Variants in DAAM1 observed in about 807,000 individuals in gnomAD.
DAAM1 encodes disheveled-associated activator of morphogenesis 1.
DAAM1 carries 52 observed loss-of-function variants against 130.0 expected under a neutral mutation model. The ratio of observed to expected loss-of-function variants is 0.40; its 90% CI spans 0.32 to 0.50. The LOEUF (loss-of-function observed/expected upper bound fraction) is 0.50. DAAM1 is among the 20% of genes least tolerant of loss of function. The probability of loss-of-function intolerance (pLI) is 0.61; values close to 1 mark genes in which losing one functional copy is unlikely to be tolerated. For synonymous variants in DAAM1, 452 were observed against 444.5 expected, an observed-to-expected ratio of 1.02 and a Z score of -0.21; for missense variants, 1,134 against 1,303.8, an observed-to-expected ratio of 0.87 and a Z score of 2.01.
chr14:59,198,937 A>G (rs1294271596), intron 1 of DAAM1, among the ~76,000 whole-genome samples: 2 of 152,214 alleles, frequency 1.3e-5, no homozygotes, highest in African/African-American at 2.4e-5. Context: ...CTGGATAAAA[A>G]TTCTAAATTT....
At chr14:59,257,237 G>A (rs1259926658) in intron 1 of DAAM1, among the ~76,000 whole-genome samples, 1 of 152,148 alleles carries the variant, frequency 6.6e-6, no homozygotes, top group Non-Finnish European at 1.5e-5. Flanking sequence ...CTGACATTCA[G>A]AGGTGAGACC....
chr14:59,339,875 C>T (rs530016073), intron 15 of DAAM1, among the ~76,000 whole-genome samples, 199 bp from the exon 16 acceptor site: 1 of 152,296 alleles, frequency 6.6e-6, no homozygotes, highest in South Asian at 2.1e-4. Context: ...GTCAGCTTTT[C>T]TTATTATTTC....
chr14:59,221,800 A>G (rs190753258), intron 1 of DAAM1, among the ~76,000 whole-genome samples: 2 of 152,292 alleles, frequency 1.3e-5, no homozygotes, highest in African/African-American at 2.4e-5. Context: ...TTGCATTTCA[A>G]TGGAATTATT....
At chr14:59,327,452 A>G (rs1008147664) in intron 12 of DAAM1, among the ~76,000 whole-genome samples, 4 of 111,680 alleles carry the variant, frequency 3.6e-5, no homozygotes, top group Admixed American at 1.3e-4. Context: ...TCTGTCACCC[A>G]GGCTGGAATC....
chr14:59,275,224 A>G (rs986012654), intron 2 of DAAM1, among the ~76,000 whole-genome samples: 1 of 152,170 alleles, frequency 6.6e-6, no homozygotes, highest in Non-Finnish European at 1.5e-5. Context: ...CTTCCATTCA[A>G]TTAGGAAAAC....
chr14:59,207,741 C>A (rs146715361), intron 1 of DAAM1, among the ~76,000 whole-genome samples: 1 of 152,262 alleles, frequency 6.6e-6, no homozygotes, highest in African/African-American at 2.4e-5. Context: ...GAACCACTGG[C>A]CTAATTACAA....
At chr14:59,190,918 T>A (rs1488987767) in intron 1 of DAAM1, among the ~76,000 whole-genome samples, 4 of 152,242 alleles carry the variant, frequency 2.6e-5, no homozygotes, top group East Asian at 1.9e-4. Flanking sequence ...TAATACTGTT[T>A]ATACTACCAC....
At chr14:59,223,350 A>G (rs1888837374) in intron 1 of DAAM1, among the ~76,000 whole-genome samples, 1 of 152,226 alleles carries the variant, frequency 6.6e-6, no homozygotes, top group African/African-American at 2.4e-5. Flanking sequence ...TTGGTAGCCC[A>G]TGATTAAGTG....
intron 16 of DAAM1, among the ~76,000 whole-genome samples, chr14:59,342,632 T>C (rs569329243): frequency 7.9e-5 from 12 of 152,248 alleles, no homozygotes; most frequent in South Asian, 4.1e-4. Context: ...CTGAGTGCCA[T>C]AGGACATACC....
intron 2 of DAAM1, among the ~76,000 whole-genome samples, chr14:59,288,638 GAAA>G (rs1594801708): frequency 6.6e-6 from 1 of 152,026 alleles, no homozygotes; most frequent in East Asian, 1.9e-4. Flanking sequence ...CAACCAATAT[GAAA>G]AAATGCTAAT....
At chr14:59,216,914 A>G (rs1256631074) in intron 1 of DAAM1, among the ~76,000 whole-genome samples, 1 of 56,978 alleles carries the variant, frequency 1.8e-5, no homozygotes, top group African/African-American at 5.6e-5. Context: ...GTATGTCTAT[A>G]TAGTTTTTTT....
rs181185974 is a variant in DAAM1 at position 59,279,691 on chromosome 14, T to C, written c.184-11526T>C. Reference sequence around the variant, plus strand: ...TTTTACCTGTAAGTTGTAGAATTTCTTAGAGAAGATTTACAATCATTAACT... The same window carrying C: ...TTTTACCTGTAAGTTGTAGAATTTCCTAGAGAAGATTTACAATCATTAACT... On this transcript the variant is annotated intron_variant, in intron 2 of 24. Coordinates refer to ENST00000360909, the MANE Select transcript of DAAM1 (RefSeq NM_001270520.2). 3.3e-5 allele frequency among the ~76,000 whole-genome samples: 5 copies of C among 152,282 alleles called. No homozygotes were observed. In the East Asian group the frequency reaches 9.6e-4, roughly 29 times the overall value.
chr14:59,303,708 G>A (rs1168836688), intron 3 of DAAM1, among the ~76,000 whole-genome samples: 4 of 151,934 alleles, frequency 2.6e-5, no homozygotes, highest in South Asian at 2.1e-4. Context: ...ACCAGCCTGG[G>A]ACCCAACGTG....
chr14:59,361,249 CAG>C (rs930468927), intron 22 of DAAM1, among the ~76,000 whole-genome samples: 2 of 152,122 alleles, frequency 1.3e-5, no homozygotes, highest in Non-Finnish European at 2.9e-5. Flanking sequence ...TAGAACTTCT[CAG>C]TTGTTTTTGA....
At chr14:59,338,048 G>A (rs1162292818) in intron 15 of DAAM1, among the ~76,000 whole-genome samples, 2 of 152,126 alleles carry the variant, frequency 1.3e-5, no homozygotes, top group African/African-American at 4.8e-5. Context: ...GGAGCCAGTG[G>A]TCATTTCAAA....
intron 2 of DAAM1, among the ~76,000 whole-genome samples, chr14:59,289,258 C>A (rs1467985349): frequency 8.5e-5 from 13 of 152,106 alleles, no homozygotes; most frequent in Admixed American, 7.9e-4. Context: ...GGAACTCACT[C>A]GCTCATCACA....
At chr14:59,196,129 C>G (rs1297510610) in intron 1 of DAAM1, among the ~76,000 whole-genome samples, 2 of 152,148 alleles carry the variant, frequency 1.3e-5, no homozygotes, top group African/African-American at 4.8e-5. Flanking sequence ...TTTGCCAAAG[C>G]CAATAGCCTT....
At chr14:59,337,121 T>C (rs888356988) in intron 15 of DAAM1, among the ~76,000 whole-genome samples, 5 of 152,068 alleles carry the variant, frequency 3.3e-5, no homozygotes, top group African/African-American at 1.2e-4. Context: ...GAGCAGAATC[T>C]CTAAGTTCAA....
intron 4 of DAAM1, among the ~76,000 whole-genome samples, chr14:59,316,541 C>T (rs1474767614): frequency 6.6e-6 from 1 of 152,142 alleles, no homozygotes; most frequent in African/African-American, 2.4e-5. Flanking sequence ...AGTCTAAAAG[C>T]ATAGCAGAAA....
Sources: gnomAD v4.1 joint callset for allele counts (sites outside exome capture counted in the v4.1 genomes callset) on GRCh38, gnomAD v4.1.1 for gene constraint, MANE v1.5 for transcripts, NCBI Gene and HGNC (gene_info 2026-07-23, HGNC 2026-07-21) for gene names.